COL25A1: variants seen among roughly 807,000 people sequenced by gnomAD.
The protein encoded by COL25A1 is collagen type XXV alpha 1 chain, also known as collagen alpha-1(XXV) chain.
COL25A1 carries 103 observed loss-of-function variants against 128.4 expected under a neutral mutation model. The ratio of observed to expected loss-of-function variants is 0.80; its 90% CI spans 0.68 to 0.94. COL25A1 has a LOEUF of 0.94. COL25A1 is among the 40% of genes least tolerant of loss of function. COL25A1 has a pLI of 0.00. For synonymous variants in COL25A1, 279 were observed against 277.2 expected (o/e 1.01, Z -0.06); for missense variants, 745 against 840.0 (o/e 0.89, Z 1.40).
chr4:108,834,403 G>A (rs1210723714), intron 31 of COL25A1: 1 of 1,550,488 alleles, frequency 6.4e-7, no homozygotes, highest in South Asian at 1.2e-5. Context: ...GTGTGATTTG[G>A]TTGGTAGCAG....
chr4:108,887,976 T>C (rs1275065848), intron 18 of COL25A1, among the ~76,000 whole-genome samples: 1 of 152,114 alleles, frequency 6.6e-6, no homozygotes, highest in Non-Finnish European at 1.5e-5. Flanking sequence ...AGACCATGGA[T>C]CTCTGTATCA....
intron 3 of COL25A1, among the ~76,000 whole-genome samples, chr4:109,076,362 T>A (rs1026058297): frequency 6.6e-6 from 1 of 152,216 alleles, no homozygotes; most frequent in African/African-American, 2.4e-5. Context: ...TGTCCCACTT[T>A]CAACTTTTAT....
chr4:109,260,763 T>C (rs1781392714), intron 3 of COL25A1, among the ~76,000 whole-genome samples: 1 of 152,184 alleles, frequency 6.6e-6, no homozygotes, highest in South Asian at 2.1e-4. Flanking sequence ...CCTAAAGTGC[T>C]GGGATTACAG....
At chr4:109,157,452 G>T (rs943038431) in intron 3 of COL25A1, among the ~76,000 whole-genome samples, 1 of 152,084 alleles carries the variant, frequency 6.6e-6, no homozygotes, top group East Asian at 1.9e-4. Flanking sequence ...AATAACTTTA[G>T]GTACTTCCTG....
At chr4:108,913,266 T>C (rs1324544256) in intron 13 of COL25A1, among the ~76,000 whole-genome samples, 1 of 106,666 alleles carries the variant, frequency 9.4e-6, no homozygotes, top group African/African-American at 2.8e-5. Context: ...AGCTCCTTTT[T>C]TTTTTTTTTT....
intron 6 of COL25A1, among the ~76,000 whole-genome samples, chr4:108,975,119 C>A (rs1752310172): frequency 1.3e-5 from 2 of 152,208 alleles, no homozygotes; most frequent in South Asian, 4.1e-4. Context: ...CTAGTGTTGG[C>A]AGCCATTTGT....
At chr4:109,007,114 A>C (rs574073331) in intron 6 of COL25A1, among the ~76,000 whole-genome samples, 1 of 152,350 alleles carries the variant, frequency 6.6e-6, no homozygotes, top group South Asian at 2.1e-4. Flanking sequence ...GCTGAAGAGT[A>C]ATTTTTAAAA....
At chr4:109,295,096 T>C (rs1178724684) in intron 3 of COL25A1, among the ~76,000 whole-genome samples, 1 of 152,140 alleles carries the variant, frequency 6.6e-6, no homozygotes, top group African/African-American at 2.4e-5. Flanking sequence ...TTAAACTCTA[T>C]GCAGAATTTG....
At chr4:108,958,156 A>G (rs3863121) in intron 8 of COL25A1, among the ~76,000 whole-genome samples, 110,763 of 151,468 alleles carry the variant, frequency 0.73, 40,984 homozygotes, top group East Asian at 1. Flanking sequence ...AAACAAAAAA[A>G]AATCAAATAA....
rs929845935 is a variant in COL25A1, at chr4:109,067,183, T to C, written c.368-17004A>G. On this transcript the variant is annotated intron_variant, in intron 3 of 37. Coordinates refer to ENST00000399132, the MANE Select transcript of COL25A1 (RefSeq NM_198721.4). ...TTTTGAGTTAGTTGTGCTTCGTGTC[T>C]TACACCTGCCACTGTCCTCTGGAAG... Among the ~76,000 whole-genome samples, 7 of 152,168 alleles carry C rather than the reference T, an allele frequency of 4.6e-5. No individual in the cohort carries two copies. The East Asian group carries it at 1.3e-3, about 29-fold the overall frequency.
Position 108,869,162 on chromosome 4 carries a change from T to C in COL25A1, c.1021-12A>G. The C allele has an allele frequency of 1.4e-6, 2 of 1,406,180 alleles. No homozygotes were observed. The highest frequency in any genetic ancestry group is 1.9e-6 in the Non-Finnish European group (2 of 1,033,120). 87.1% of individuals were successfully genotyped at this position (1,406,180 alleles called of 1,614,324 possible). On this transcript the variant is annotated splice_polypyrimidine_tract_variant and intron_variant, in intron 19 of 37. Coordinates refer to ENST00000399132, the MANE Select transcript of COL25A1 (RefSeq NM_198721.4). ...AAACCTGGTTCTCCCTTTAAAAACA[T>C]GGGCATATGAGATCATTAATCATTT...
chr4:108,893,403 G>A (rs879520895), intron 16 of COL25A1, among the ~76,000 whole-genome samples: 2 of 152,156 alleles, frequency 1.3e-5, no homozygotes, highest in African/African-American at 2.4e-5. Flanking sequence ...TCCAAAGAGT[G>A]GGACATAATC....
chr4:109,003,920 G>A (rs757531685), intron 6 of COL25A1, among the ~76,000 whole-genome samples: 3 of 152,008 alleles, frequency 2.0e-5, no homozygotes, highest in Admixed American at 6.6e-5. Context: ...AAGTTGCTGT[G>A]ACATTATTTA....
chr4:109,096,753 C>A (rs1241212120), intron 3 of COL25A1, among the ~76,000 whole-genome samples: 1 of 152,144 alleles, frequency 6.6e-6, no homozygotes, highest in East Asian at 1.9e-4. Flanking sequence ...AATAAATCAA[C>A]CAAAAAACAG....
In COL25A1 at chr4:109,190,215, A is replaced by C. The variant is rs74795043; in HGVS notation, c.367+110368T>G. Among the ~76,000 whole-genome samples the C allele has an allele frequency of 5.9e-5, 9 of 152,334 alleles. No individual in the cohort carries two copies. The East Asian group carries it at 1.7e-3, about 29-fold the overall frequency. ...TATTTATTCCAAAGTAATTGGAATG[A>C]AAACAATAATAGAAGACATAATCAA... On this transcript the variant is annotated intron_variant, in intron 3 of 37. Transcript: ENST00000399132.
At chr4:109,244,424 C>T (rs576227827) in intron 3 of COL25A1, among the ~76,000 whole-genome samples, 216 of 151,942 alleles carry the variant, frequency 1.4e-3, no homozygotes, top group African/African-American at 5.0e-3. Context: ...TCACAAGATC[C>T]CACTCTTCCC....
intron 3 of COL25A1, among the ~76,000 whole-genome samples, chr4:109,298,059 A>C (rs1725162949): frequency 1.3e-5 from 2 of 151,770 alleles, no homozygotes; most frequent in African/African-American, 4.8e-5. Context: ...TGTGGGCATG[A>C]ATCCTGACTT....
chr4:109,223,409 A>G (rs917350590), intron 3 of COL25A1, among the ~76,000 whole-genome samples: 1 of 151,754 alleles, frequency 6.6e-6, no homozygotes, highest in Non-Finnish European at 1.5e-5. Context: ...CCCCCCCCCA[A>G]AAAAAACTGC....
chr4:109,166,847 T>C, intron 3 of COL25A1, among the ~76,000 whole-genome samples: 1 of 152,158 alleles, frequency 6.6e-6, no homozygotes, highest in East Asian at 1.9e-4. Flanking sequence ...TGAAATTCCT[T>C]TTTGTAATTG....
Sources: gnomAD v4.1 joint callset for allele counts (sites outside exome capture counted in the v4.1 genomes callset) on GRCh38, gnomAD v4.1.1 for gene constraint, MANE v1.5 for transcripts, NCBI Gene and HGNC (gene_info 2026-07-23, HGNC 2026-07-21) for gene names.